NTRK3: variants seen among roughly 807,000 people sequenced by gnomAD.
The protein encoded by NTRK3 is neurotrophic receptor tyrosine kinase 3.
In NTRK3, 24 loss-of-function variants were observed where a neutral mutation model predicts 91.7. That is an observed-to-expected ratio of 0.26 (90% CI 0.19 to 0.37). The LOEUF (loss-of-function observed/expected upper bound fraction) is 0.37. Ranked by LOEUF, NTRK3 falls within the 10% of genes least tolerant of loss-of-function variation. The pLI, the probability that NTRK3 is intolerant of heterozygous loss-of-function variation, is 1.00. For synonymous variants in NTRK3, 483 were observed against 404.0 expected, an observed-to-expected ratio of 1.20 and a Z score of -2.34; for missense variants, 880 against 1,068.9, an observed-to-expected ratio of 0.82 and a Z score of 2.46.
intron 3 of NTRK3, among the ~76,000 whole-genome samples, chr15:88,191,251 G>GA (rs2047364893): frequency 6.6e-6 from 1 of 151,334 alleles, no homozygotes. Context: ...GGAGTGCAGT[G>GA]ATCTCAGCTC....
intron 17 of NTRK3, among the ~76,000 whole-genome samples, chr15:87,886,340 C>A (rs1304009732): frequency 6.6e-6 from 1 of 151,678 alleles, no homozygotes; most frequent in African/African-American, 2.4e-5. Flanking sequence ...CTCAGGTAAG[C>A]AAAAATACTG....
At chr15:87,960,490 CCTT>C (rs982891279) in intron 14 of NTRK3, among the ~76,000 whole-genome samples, 9 of 151,336 alleles carry the variant, frequency 5.9e-5, no homozygotes, top group African/African-American at 1.9e-4. Flanking sequence ...TTCCCCCCAT[CCTT>C]TTTTTTTTTG....
At chr15:87,886,086 C>T (rs1320167653) in intron 17 of NTRK3, among the ~76,000 whole-genome samples, 3 of 151,948 alleles carry the variant, frequency 2.0e-5, no homozygotes, top group African/African-American at 4.8e-5. Flanking sequence ...TGGCCACAAA[C>T]ATATGAAAAG....
intron 10 of NTRK3, among the ~76,000 whole-genome samples, chr15:88,129,752 A>C (rs1399711262): frequency 6.6e-6 from 1 of 152,200 alleles, no homozygotes; most frequent in Admixed American, 6.5e-5. Flanking sequence ...TCAATAGCCA[A>C]ATGTAGGATC....
intron 14 of NTRK3, among the ~76,000 whole-genome samples, chr15:87,950,872 A>G (rs1393341479): frequency 6.6e-6 from 1 of 152,180 alleles, no homozygotes; most frequent in Non-Finnish European, 1.5e-5. Flanking sequence ...TGGAGTTTTG[A>G]TATCTTTAAA....
intron 17 of NTRK3, among the ~76,000 whole-genome samples, chr15:87,904,809 C>A (rs2066661675): frequency 6.6e-6 from 1 of 152,152 alleles, no homozygotes; most frequent in Non-Finnish European, 1.5e-5. Context: ...TGGGACTCCA[C>A]AGAGCACACA....
At chr15:88,004,473 G>A (rs956994324) in intron 14 of NTRK3, among the ~76,000 whole-genome samples, 2 of 152,154 alleles carry the variant, frequency 1.3e-5, no homozygotes, top group African/African-American at 2.4e-5. Context: ...AGACTTGGGA[G>A]AGATCAAAAA....
At chr15:88,115,851 T>C (rs11636328) in intron 13 of NTRK3, among the ~76,000 whole-genome samples, 35,103 of 151,844 alleles carry the variant, frequency 0.23, 4,240 homozygotes, top group Non-Finnish European at 0.25. Context: ...ACTTAACCCA[T>C]GGGGCTTCCT....
chr15:87,891,502 G>C (rs1218729044), intron 17 of NTRK3, among the ~76,000 whole-genome samples: 1 of 152,124 alleles, frequency 6.6e-6, no homozygotes, highest in African/African-American at 2.4e-5. Context: ...TCCTCACCCT[G>C]TTCTCTTCCT....
intron 15 of NTRK3, among the ~76,000 whole-genome samples, chr15:87,935,828 T>G (rs960212482): frequency 1.3e-5 from 2 of 152,200 alleles, no homozygotes; most frequent in African/African-American, 4.8e-5. Flanking sequence ...GAGGCAGAGA[T>G]GGGTTCTTCA....
chr15:88,147,792 C>T (rs74027771), intron 5 of NTRK3, among the ~76,000 whole-genome samples: 10 of 152,144 alleles, frequency 6.6e-5, no homozygotes, highest in East Asian at 1.9e-4. Context: ...ATTCTTAACA[C>T]GCACACAGGT....
chr15:87,984,308 A>G (rs1339574535), intron 14 of NTRK3, among the ~76,000 whole-genome samples: 1 of 152,182 alleles, frequency 6.6e-6, no homozygotes, highest in Non-Finnish European at 1.5e-5. Context: ...TCATAGACAC[A>G]TGTCTCTTGC....
At chr15:88,187,115 G>A (rs1044249190) in intron 3 of NTRK3, among the ~76,000 whole-genome samples, 30 of 152,212 alleles carry the variant, frequency 2.0e-4, no homozygotes, top group African/African-American at 7.2e-4. Context: ...AAACTGAGCA[G>A]TCTTGTTCTC....
chr15:88,106,370 A>T (rs2050709892), intron 13 of NTRK3, among the ~76,000 whole-genome samples: 1 of 152,234 alleles, frequency 6.6e-6, no homozygotes, highest in South Asian at 2.1e-4. Context: ...CACATTTTAT[A>T]AATGCATACT....
chr15:88,198,150 G>A (rs1476012592), intron 3 of NTRK3, among the ~76,000 whole-genome samples: 1 of 152,182 alleles, frequency 6.6e-6, no homozygotes, highest in Non-Finnish European at 1.5e-5. Context: ...TTGAGGTCAG[G>A]ACTGGGGCCA....
chr15:88,200,663 G>T (rs149511873), intron 3 of NTRK3, among the ~76,000 whole-genome samples: 141 of 152,296 alleles, frequency 9.3e-4, no homozygotes, highest in African/African-American at 3.2e-3. Context: ...CTTCTGCCAT[G>T]ACTGTAAGTT....
At chr15:88,193,984 C>T (rs1018366326) in intron 3 of NTRK3, among the ~76,000 whole-genome samples, 1 of 152,222 alleles carries the variant, frequency 6.6e-6, no homozygotes, top group African/African-American at 2.4e-5. Context: ...TGTCTTCGAT[C>T]CTACTACTCT....
At chr15:87,960,674 G>C (rs1226739724) in intron 14 of NTRK3, among the ~76,000 whole-genome samples, 1 of 152,032 alleles carries the variant, frequency 6.6e-6, no homozygotes, top group Non-Finnish European at 1.5e-5. Flanking sequence ...TAGTGGAGAT[G>C]GTGTTTTGCC....
At position 88,149,666 on chromosome 15, in the gene NTRK3, G is replaced by T. The variant is rs114960300; in HGVS notation, c.396-2263C>A. 6.4e-3 allele frequency among the ~76,000 whole-genome samples: 971 copies of T among 152,294 alleles called. 13 individuals are homozygous for T. The highest frequency in any genetic ancestry group is 0.022 in the African/African-American group (917 of 41,550). On this transcript the variant is annotated intron_variant, in intron 5 of 18. Coordinates refer to ENST00000394480, the Ensembl canonical transcript of NTRK3. ...GATGACCACCTGAGGACACCACCTG[G>T]GGCAAAGCCCCATGCAGCAGCCCAG...
Sources: gnomAD v4.1 joint callset for allele counts (sites outside exome capture counted in the v4.1 genomes callset) on GRCh38, gnomAD v4.1.1 for gene constraint, MANE v1.5 for transcripts, NCBI Gene and HGNC (gene_info 2026-07-23, HGNC 2026-07-21) for gene names.